Variants in AGAP1 observed in about 807,000 individuals in gnomAD.
AGAP1 encodes the protein ArfGAP with GTPase domain, ankyrin repeat and PH domain 1.
Under a neutral mutation model 105.3 loss-of-function variants are expected in AGAP1, and 29 were observed. That is an observed-to-expected ratio of 0.28 (90% CI 0.21 to 0.38). AGAP1 has a LOEUF of 0.38. Among genes scored for constraint, AGAP1 ranks in the 10% least tolerant of loss-of-function variants. AGAP1 has a pLI of 1.00. For synonymous variants in AGAP1, 509 were observed against 485.9 expected (o/e 1.05, Z -0.63); for missense variants, 998 against 1,165.1 (o/e 0.86, Z 2.09).
chr2:235,907,767 A>C (rs1312930774), intron 10 of AGAP1, among the ~76,000 whole-genome samples: 1 of 152,200 alleles, frequency 6.6e-6, no homozygotes, highest in East Asian at 1.9e-4. Context: ...CGTATACCTT[A>C]AATCATCCCT....
intron 9 of AGAP1, among the ~76,000 whole-genome samples, chr2:235,851,353 C>T (rs2048442153): frequency 6.6e-6 from 1 of 152,222 alleles, no homozygotes; most frequent in Admixed American, 6.5e-5. Context: ...GGTGAAGATG[C>T]TAAGCAAGGC....
rs1678267701 is a variant in AGAP1, at chr2:235,663,359, G to A, written c.164-45820G>A. On this transcript the variant is annotated intron_variant, in intron 1 of 17. Coordinates refer to ENST00000304032, the MANE Select transcript of AGAP1 (RefSeq NM_001037131.3). The surrounding 1 kb of genome is among the most constrained non-coding windows in gnomAD (Gnocchi z 5.4). ...CGTGCATCCCTCTGCTGAGATGGGAGCAGCAGCGTGGGGTTGGGCTTTGAA... is the reference window on the plus strand; with the variant it reads ...CGTGCATCCCTCTGCTGAGATGGGAACAGCAGCGTGGGGTTGGGCTTTGAA... 1.3e-5 allele frequency among the ~76,000 whole-genome samples: 2 copies of A among 152,216 alleles called. No individual in the cohort carries two copies. Among genetic ancestry groups the A allele is most frequent in the African/African-American group, 4.8e-5 (2 of 41,454 alleles).
chr2:235,670,645 C>T (rs889983107), intron 1 of AGAP1: 21 of 636,218 alleles, frequency 3.3e-5, no homozygotes, highest in Admixed American at 7.2e-5. Context: ...GGAGCCTGGC[C>T]TGGGCGCCGT....
Position 235,610,897 on chromosome 2 carries a change from C to T in AGAP1, c.164-98282C>T, listed in dbSNP as rs1007507044. Among the ~76,000 whole-genome samples the T allele has an allele frequency of 1.3e-5, 2 of 152,124 alleles. No individual in the cohort carries two copies. Among genetic ancestry groups the T allele is most frequent in the African/African-American group, 4.8e-5 (2 of 41,386 alleles). ...CTTGTCCTGTAGCCCAGTTTCGTTT[C>T]ACCTGTCCTCTGCCTGTAATCCTTT... On this transcript the variant is annotated intron_variant, in intron 1 of 17. Transcript: ENST00000304032. The surrounding 1 kb of genome is among the most constrained non-coding windows in gnomAD (Gnocchi z 4.9).
intron 1 of AGAP1, among the ~76,000 whole-genome samples, chr2:235,585,767 C>A (rs1296183442): frequency 6.6e-6 from 1 of 152,154 alleles, no homozygotes; most frequent in Admixed American, 6.5e-5. Flanking sequence ...TCAAACCAAT[C>A]ACACGCCAAC....
intron 1 of AGAP1, among the ~76,000 whole-genome samples, chr2:235,707,879 ATGTGACCTGGTGAGATGCACTCCCCAGCC>A (rs1388174457): frequency 1.4e-5 from 2 of 140,788 alleles, no homozygotes; most frequent in Non-Finnish European, 3.0e-5. Context: ...GCTCCCCAGC[ATGTGACCTGGTGAGATGCACTCCCCAGCC>A]TGTGACCTGG....
intron 1 of AGAP1, among the ~76,000 whole-genome samples, chr2:235,653,236 C>T (rs554902851): frequency 1.3e-4 from 20 of 152,062 alleles, no homozygotes; most frequent in East Asian, 1.9e-4. Flanking sequence ...GAGGCCAAGG[C>T]GGGCGGATCA....
At chr2:235,498,874 C>T (rs560062464) in intron 1 of AGAP1, among the ~76,000 whole-genome samples, 14 of 152,334 alleles carry the variant, frequency 9.2e-5, no homozygotes, top group African/African-American at 2.6e-4. Flanking sequence ...GAACCCTGCC[C>T]TGCACTTCTT....
chr2:235,852,828 A>C, intron 9 of AGAP1: 1 of 1,502,794 alleles, frequency 6.7e-7, no homozygotes, highest in East Asian at 2.6e-5. Flanking sequence ...CAATCAGCCC[A>C]GCTGTCCGGG....
rs532373595 is a variant in AGAP1 at position 235,600,420 on chromosome 2, A to G, written c.163+105571A>G. Among the ~76,000 whole-genome samples, 1 of 151,880 alleles carries G rather than the reference A, an allele frequency of 6.6e-6. No individual in the cohort carries two copies. The highest frequency in any genetic ancestry group is 1.5e-5 in the Non-Finnish European group (1 of 67,970). Reference sequence around the variant, plus strand: ...CCCACCCTCTGCCCTATAGACCCCCATACTCCTGTAGATACCCCCTCATTA... The same window carrying G: ...CCCACCCTCTGCCCTATAGACCCCCGTACTCCTGTAGATACCCCCTCATTA... On this transcript the variant is annotated intron_variant, in intron 1 of 17. Transcript: ENST00000304032. The surrounding 1 kb of genome is among the most constrained non-coding windows in gnomAD (Gnocchi z 4.8).
chr2:235,830,262 G>A lies in AGAP1; in HGVS notation c.1050+22931G>A, dbSNP rs551644221. On this transcript the variant is annotated intron_variant, in intron 9 of 17. Coordinates refer to ENST00000304032, the MANE Select transcript of AGAP1 (RefSeq NM_001037131.3). The surrounding 1 kb of genome is among the most constrained non-coding windows in gnomAD (Gnocchi z 5.5). ...GGCTACAGTCACCGTTTGAGTGCCC[G>A]TGGAGGATTGGTTTACTTAGTAAAT... Among the ~76,000 whole-genome samples the A allele has an allele frequency of 4.6e-5, 7 of 152,292 alleles. No homozygotes were observed. The highest frequency in any genetic ancestry group is 3.9e-4 in the East Asian group (2 of 5,188).
Position 236,104,663 on chromosome 2 carries a change from G to C in AGAP1, c.2115-15529G>C, listed in dbSNP as rs956796974. Among the ~76,000 whole-genome samples, 1 of 152,174 alleles carries C rather than the reference G, an allele frequency of 6.6e-6. No homozygotes were observed. Among genetic ancestry groups the C allele is most frequent in the Non-Finnish European group, 1.5e-5 (1 of 68,036 alleles). ...GCCAGCACTTTGGGAGGCCAAGGTG[G>C]GTGGATCACAAGGGCAGGAGGTCAA... On this transcript the variant is annotated intron_variant, in intron 16 of 17. Transcript: ENST00000304032. This position sits in a 1 kb window ranked among gnomAD's most constrained non-coding sequence, Gnocchi z 4.7.
rs1252563559 is a variant in AGAP1 at position 235,785,023 on chromosome 2, C to G, written c.674-12736C>G. Among the ~76,000 whole-genome samples the G allele has an allele frequency of 2.6e-5, 4 of 152,224 alleles. No homozygotes were observed. The East Asian group carries it at 7.7e-4, about 29-fold the overall frequency. On this transcript the variant is annotated intron_variant, in intron 6 of 17. Coordinates refer to ENST00000304032, the MANE Select transcript of AGAP1 (RefSeq NM_001037131.3). ...TAATTCAACCTGTGTGTCACTGTCACTTCTTCCCGTGCACAGGGCCACCGC... is the reference window on the plus strand; with the variant it reads ...TAATTCAACCTGTGTGTCACTGTCAGTTCTTCCCGTGCACAGGGCCACCGC...
chr2:235,630,885 G>GT (rs1946807051), intron 1 of AGAP1, among the ~76,000 whole-genome samples: 1 of 152,180 alleles, frequency 6.6e-6, no homozygotes, highest in African/African-American at 2.4e-5. Context: ...GGCCCAGCCC[G>GT]TTGCGGGTCT....
At position 235,716,545 on chromosome 2, in the gene AGAP1, C is replaced by T. The variant is rs1213791444; in HGVS notation, c.223-1012C>T. Among the ~76,000 whole-genome samples the T allele has an allele frequency of 1.3e-5, 2 of 152,254 alleles. No homozygotes were observed. The highest frequency in any genetic ancestry group is 3.9e-4 in the East Asian group (2 of 5,174). On this transcript the variant is annotated intron_variant, in intron 2 of 17. Coordinates refer to ENST00000304032, the MANE Select transcript of AGAP1 (RefSeq NM_001037131.3). The surrounding 1 kb of genome is among the most constrained non-coding windows in gnomAD (Gnocchi z 4.0). ...GGGAATGGCAGGTGGCCTTAATGAG[C>T]ACCTGTGCCTGGGGATGGGTGCCTT...
chr2:235,589,548 C>T (rs901612850), intron 1 of AGAP1, among the ~76,000 whole-genome samples: 5 of 152,004 alleles, frequency 3.3e-5, no homozygotes, highest in African/African-American at 7.2e-5. Flanking sequence ...CCCATCCAAC[C>T]GAACTTTTCA....
rs908950441 is a variant in AGAP1, at chr2:235,904,938, A to T, written c.1156-3800A>T. ...TTAAAAATGTGCAGTGCCTTGAAAT[A>T]TAAGAATTGGCTATTTTAAATACCG... On this transcript the variant is annotated intron_variant, in intron 10 of 17. Transcript: ENST00000304032. This position sits in a 1 kb window ranked among gnomAD's most constrained non-coding sequence, Gnocchi z 4.2. Among the ~76,000 whole-genome samples the T allele has an allele frequency of 6.6e-6, 1 of 152,214 alleles. No individual in the cohort carries two copies. Among genetic ancestry groups the T allele is most frequent in the Non-Finnish European group, 1.5e-5 (1 of 68,044 alleles).
At chr2:235,616,998 C>G (rs953553788) in intron 1 of AGAP1, among the ~76,000 whole-genome samples, 4 of 151,060 alleles carry the variant, frequency 2.6e-5, no homozygotes, top group South Asian at 2.1e-4. Flanking sequence ...GTTGAAAAGT[C>G]AAAGTCACAT....
intron 6 of AGAP1, among the ~76,000 whole-genome samples, chr2:235,770,572 T>A (rs1028748735): frequency 6.6e-6 from 1 of 152,142 alleles, no homozygotes; most frequent in Non-Finnish European, 1.5e-5. Flanking sequence ...GCATTGCCCA[T>A]GATGGATATT....
Sources: allele counts gnomAD v4.1 joint callset (sites outside exome capture counted in the v4.1 genomes callset), GRCh38; gene constraint gnomAD v4.1.1; non-coding constraint Gnocchi (gnomAD v3.1); transcripts MANE v1.5; gene names NCBI Gene and HGNC (gene_info 2026-07-23, HGNC 2026-07-21).